The following CD164 variants were observed in gnomAD, a reference collection of about 807,000 sequenced individuals.
CD164 encodes the protein sialomucin core protein 24.
A neutral mutation model predicts 24.6 loss-of-function variants in CD164; 11 were observed. The ratio of observed to expected loss-of-function variants is 0.45; its 90% confidence interval spans 0.28 to 0.74. The LOEUF is 0.74. Among genes scored for constraint, CD164 ranks in the 30% least tolerant of loss-of-function variants. The pLI is 0.13. For synonymous variants in CD164, 126 were observed against 100.3 expected (o/e 1.26, Z -1.53); for missense variants, 295 against 243.7 (o/e 1.21, Z -1.40).
At chr6:109,381,032 G>C (rs1237169295) in intron 1 of CD164, among the ~76,000 whole-genome samples, 1 of 152,192 alleles carries the variant, frequency 6.6e-6, no homozygotes, top group African/African-American at 2.4e-5. Flanking sequence ...AGGAGAATTT[G>C]TAGAATATGA....
At position 109,376,953 on chromosome 6, in the gene CD164, T is replaced by C. The variant is rs562260781; in HGVS notation, c.332-841A>G. ...GAGTTCAAGACCAGCCTGGGCAACA[T>C]AGTGAGACACCATCTCTACAAAAAA... On this transcript the variant is annotated intron_variant, in intron 3 of 5. Transcript: ENST00000310786. 2.0e-4 allele frequency among the ~76,000 whole-genome samples: 31 copies of C among 151,872 alleles called. No homozygotes were observed. In the South Asian group the frequency reaches 4.2e-3, roughly 20 times the overall value.
chr6:109,373,057 A>C (rs896834783), intron 4 of CD164, among the ~76,000 whole-genome samples: 2 of 152,218 alleles, frequency 1.3e-5, no homozygotes, highest in African/African-American at 4.8e-5. Flanking sequence ...AAAAAAAATA[A>C]TAATAATCAT....
chr6:109,376,963 C>A (rs1032130439), intron 3 of CD164, among the ~76,000 whole-genome samples: 2 of 152,140 alleles, frequency 1.3e-5, no homozygotes, highest in Admixed American at 1.3e-4. Flanking sequence ...TAGTGAGACA[C>A]CATCTCTACA....
chr6:109,379,547 CAA>C, intron 2 of CD164, 30 bp downstream of exon 2: 6 of 1,458,002 alleles, frequency 4.1e-6, no homozygotes, highest in Non-Finnish European at 5.7e-6. Context: ...AATGCTATAA[CAA>C]AACAGTTTTG....
intron 1 of CD164, chr6:109,381,918 T>G: frequency 2.4e-6 from 1 of 422,800 alleles, no homozygotes. Context: ...GGCTAGGAAT[T>G]ACGATGCACT....
intron 2 of CD164, among the ~76,000 whole-genome samples, chr6:109,378,762 C>G (rs1771566093): frequency 1.3e-5 from 2 of 151,792 alleles, no homozygotes. Context: ...ACTTCTATAA[C>G]AAAAAAGTTA....
chr6:109,375,621 A>AC, intron 4 of CD164, among the ~76,000 whole-genome samples: 1 of 120,272 alleles, frequency 8.3e-6, no homozygotes, highest in Non-Finnish European at 1.6e-5. Flanking sequence ...CGCTTCCAAA[A>AC]AAAAAAAAAG....
In CD164 at chr6:109,368,466, T is replaced by C. The variant is rs1469285166; in HGVS notation, c.*385A>G. 16 of 1,377,052 alleles carry C rather than the reference T, an allele frequency of 1.2e-5. No individual in the cohort carries two copies. The highest frequency in any genetic ancestry group is 1.5e-5 in the Non-Finnish European group (16 of 1,070,128). The allele number at this position is 1,377,052 out of a possible 1,614,324, so 85.3% of individuals were successfully genotyped here. A position where few individuals can be genotyped will look rare whatever the true frequency, so the allele number is the denominator to read the frequency against. On this transcript the variant is annotated 3_prime_UTR_variant, in exon 6 of 6. Coordinates refer to ENST00000310786, the MANE Select transcript of CD164 (RefSeq NM_006016.6). ...TAATTGATTCTCATTTGGCACGTTC[T>C]TCTCAATTCTGTTCACTAAATTAAA... is the stretch of plus-strand genomic sequence containing the variant.
At chr6:109,371,927 A>G (rs761042258) in intron 4 of CD164, 1 of 152,250 alleles carries the variant, frequency 6.6e-6, no homozygotes, top group Non-Finnish European at 1.5e-5. Context: ...TATGAGATTT[A>G]TATTTTTATA....
At chr6:109,369,677 T>C (rs959461142) in intron 5 of CD164, among the ~76,000 whole-genome samples, 1 of 152,206 alleles carries the variant, frequency 6.6e-6, no homozygotes, top group Non-Finnish European at 1.5e-5. Flanking sequence ...CTGGTTCTGG[T>C]GGCTGTACAA....
At chr6:109,369,948 T>A (rs1461274359) in intron 5 of CD164, among the ~76,000 whole-genome samples, 1 of 152,240 alleles carries the variant, frequency 6.6e-6, no homozygotes, top group Non-Finnish European at 1.5e-5. Flanking sequence ...AAGCTAATTT[T>A]CACATTACTG....
intron 4 of CD164, among the ~76,000 whole-genome samples, chr6:109,375,616 C>CAAAAAAAAAAAAAAAAG: frequency 1.7e-5 from 1 of 60,578 alleles, no homozygotes; most frequent in African/African-American, 8.6e-5. Flanking sequence ...GACTTCGCTT[C>CAAAAAAAAAAAAAAAAG]CAAAAAAAAA....
At chr6:109,373,465 G>C (rs1010133833) in intron 4 of CD164, among the ~76,000 whole-genome samples, 1 of 152,162 alleles carries the variant, frequency 6.6e-6, no homozygotes, top group Admixed American at 6.5e-5. Context: ...GTCAACTGAT[G>C]CATTTTCTGC....
intron 2 of CD164, among the ~76,000 whole-genome samples, chr6:109,379,215 C>T (rs971120951): frequency 9.2e-5 from 14 of 152,142 alleles, no homozygotes; most frequent in African/African-American, 2.7e-4. Context: ...TTAGAACAGG[C>T]TTTAAAAAAA....
At chr6:109,378,441 A>AG (rs902021369) in intron 2 of CD164, among the ~76,000 whole-genome samples, 13 of 133,014 alleles carry the variant, frequency 9.8e-5, no homozygotes, top group East Asian at 2.3e-4. Context: ...ACTCTGTCTC[A>AG]GGGAAAAAAA....
intron 1 of CD164, chr6:109,381,394 G>C (rs1359054062): frequency 1.5e-6 from 1 of 664,884 alleles, no homozygotes; most frequent in East Asian, 2.7e-5. Flanking sequence ...CTGAGCACAG[G>C]ACATAGTTAA....
chr6:109,369,724 C>T (rs1172954117), intron 5 of CD164, among the ~76,000 whole-genome samples: 2 of 152,102 alleles, frequency 1.3e-5, no homozygotes, highest in Non-Finnish European at 2.9e-5. Context: ...TGTATTCCTT[C>T]TCGTGAAGAC....
intron 2 of CD164, 58 bp from the exon 3 acceptor site, chr6:109,378,029 T>C (rs370521912): frequency 1.6e-5 from 22 of 1,362,664 alleles, no homozygotes; most frequent in Admixed American, 3.4e-5. Context: ...TGTATTATCT[T>C]TGACTCTGCT....
intron 5 of CD164, among the ~76,000 whole-genome samples, chr6:109,369,284 C>T (rs1582467095): frequency 6.6e-6 from 1 of 152,208 alleles, no homozygotes. Flanking sequence ...AAATTGTGCC[C>T]TGGGAATGTA....
Sources: allele counts gnomAD v4.1 joint callset (sites outside exome capture counted in the v4.1 genomes callset), GRCh38; gene constraint gnomAD v4.1.1; transcripts MANE v1.5; gene names NCBI Gene and HGNC (gene_info 2026-07-23, HGNC 2026-07-21).